Variants in DNAJC3 observed in about 807,000 individuals in gnomAD.
The protein encoded by DNAJC3 is DnaJ heat shock protein family (Hsp40) member C3, also known as dnaJ homolog subfamily C member 3.
DNAJC3 carries 38 observed loss-of-function variants against 68.6 expected under a neutral mutation model. That is an observed-to-expected ratio of 0.55 (90% confidence interval 0.43 to 0.73). DNAJC3 has a LOEUF of 0.73. DNAJC3 is among the 30% of genes least tolerant of loss of function. The pLI is 0.00. For missense variants in DNAJC3, 526 were observed against 591.9 expected, an observed-to-expected ratio of 0.89 and a Z score of 1.16; for synonymous variants, 203 against 204.0, an observed-to-expected ratio of 1.00 and a Z score of 0.04.
At chr13:95,722,373 T>G (rs569120227) in intron 2 of DNAJC3, among the ~76,000 whole-genome samples, 1 of 152,224 alleles carries the variant, frequency 6.6e-6, no homozygotes, top group East Asian at 1.9e-4. Flanking sequence ...AGTCAGAGGT[T>G]TATACATTTC....
intron 11 of DNAJC3, among the ~76,000 whole-genome samples, chr13:95,790,504 G>A (rs1038204908): frequency 6.6e-6 from 1 of 152,122 alleles, no homozygotes; most frequent in Non-Finnish European, 1.5e-5. Flanking sequence ...GGATTAGGGT[G>A]GTGAGCTGGC....
At chr13:95,722,535 A>G (rs1346710387) in intron 2 of DNAJC3, among the ~76,000 whole-genome samples, 3 of 151,770 alleles carry the variant, frequency 2.0e-5, no homozygotes, top group Non-Finnish European at 4.4e-5. Context: ...CACTTTGGGA[A>G]GCTGAGGTAG....
intron 1 of DNAJC3, among the ~76,000 whole-genome samples, chr13:95,701,289 G>C (rs1321455476): frequency 2.0e-5 from 3 of 152,192 alleles, no homozygotes; most frequent in Non-Finnish European, 4.4e-5. Context: ...TGTCATATTG[G>C]TTATTTAGAG....
At chr13:95,785,748 G>A (rs1389495065) in intron 9 of DNAJC3, among the ~76,000 whole-genome samples, 191 bp from the exon 10 acceptor site, 1 of 151,876 alleles carries the variant, frequency 6.6e-6, no homozygotes, top group Admixed American at 6.6e-5. Context: ...ACAGGCATGA[G>A]CCCCTGTGCC....
intron 4 of DNAJC3, among the ~76,000 whole-genome samples, chr13:95,752,051 G>A (rs1882497561): frequency 1.3e-5 from 2 of 152,124 alleles, no homozygotes; most frequent in South Asian, 4.1e-4. Flanking sequence ...ATTTGGGTGG[G>A]GACACAGCCA....
chr13:95,688,925 T>TGTGG (rs1566466559), intron 1 of DNAJC3, among the ~76,000 whole-genome samples: 1 of 112,994 alleles, frequency 8.9e-6, no homozygotes, highest in African/African-American at 3.4e-5. Flanking sequence ...TTTGATTGTG[T>TGTGG]GGGTGTGTGT....
At chr13:95,776,966 C>T (rs902312007) in intron 9 of DNAJC3, among the ~76,000 whole-genome samples, 1 of 152,302 alleles carries the variant, frequency 6.6e-6, no homozygotes, top group East Asian at 1.9e-4. Flanking sequence ...CGCTGTTAGT[C>T]CCCTGCTTTG....
At chr13:95,775,174 C>A (rs746730636) in intron 9 of DNAJC3, among the ~76,000 whole-genome samples, 1 of 152,200 alleles carries the variant, frequency 6.6e-6, no homozygotes, top group South Asian at 2.1e-4. Flanking sequence ...AAGCAGTCCT[C>A]CTGCCTCAGC....
At chr13:95,742,663 C>G (rs1404150184) in intron 4 of DNAJC3, 2 of 518,362 alleles carry the variant, frequency 3.9e-6, no homozygotes, top group African/African-American at 3.9e-5. Context: ...TGTTGGGACT[C>G]CAGCGTTCTC....
At chr13:95,778,583 C>T (rs1883349978) in intron 9 of DNAJC3, among the ~76,000 whole-genome samples, 2 of 152,162 alleles carry the variant, frequency 1.3e-5, no homozygotes, top group African/African-American at 4.8e-5. Flanking sequence ...ATAACCCAGC[C>T]ACACACAGAA....
rs531452479 is a variant in DNAJC3, at chr13:95,740,047, G to C, written c.393+14795G>C. On this transcript the variant is annotated intron_variant, in intron 4 of 11. Transcript: ENST00000602402. The stretch of plus-strand genomic sequence containing the variant: ...CTTCTAACAGAGAGGACCCTTAGCT[G>C]CAGGTCTGTTGGAATACCCTGCCGT... 4.6e-5 allele frequency among the ~76,000 whole-genome samples: 7 copies of C among 152,214 alleles called. No homozygotes were observed. The East Asian group carries it at 1.4e-3, about 29-fold the overall frequency.
chr13:95,779,141 T>C (rs1160906561), intron 9 of DNAJC3, among the ~76,000 whole-genome samples: 1 of 92,194 alleles, frequency 1.1e-5, no homozygotes, highest in Non-Finnish European at 2.2e-5. Context: ...TTTTTTTTTT[T>C]TGAGACGGAG....
At chr13:95,699,880 A>G (rs73550534) in intron 1 of DNAJC3, among the ~76,000 whole-genome samples, 2,599 of 152,090 alleles carry the variant, frequency 0.017, 79 homozygotes, top group African/African-American at 0.06. Context: ...TGTTGCCCAG[A>G]CTGGAGTGCA....
At chr13:95,720,119 A>T (rs1881276208) in intron 2 of DNAJC3, among the ~76,000 whole-genome samples, 1 of 152,150 alleles carries the variant, frequency 6.6e-6, no homozygotes. Flanking sequence ...GCTTAGGGTT[A>T]GGTGCAGTAA....
Position 95,714,143 on chromosome 13 carries a change from T to A in DNAJC3, c.193+4806T>A, listed in dbSNP as rs1031466387. The stretch of plus-strand genomic sequence containing the variant: ...CCACTGGGTAATCCTGTGACATTGG[T>A]CCAGTTATGTAAGAAAATGCACACT... On this transcript the variant is annotated intron_variant, in intron 2 of 11. Coordinates refer to ENST00000602402, the MANE Select transcript of DNAJC3 (RefSeq NM_006260.5). 2.0e-5 allele frequency among the ~76,000 whole-genome samples: 3 copies of A among 152,326 alleles called. 1 individual carries two copies. Among genetic ancestry groups the A allele is most frequent in the African/African-American group, 7.2e-5 (3 of 41,564 alleles).
intron 9 of DNAJC3, among the ~76,000 whole-genome samples, chr13:95,783,055 T>C (rs1414392928): frequency 6.6e-6 from 1 of 152,210 alleles, no homozygotes; most frequent in Admixed American, 6.5e-5. Flanking sequence ...TCCAACACCA[T>C]TTATTAAATA....
At chr13:95,685,795 A>AT (rs945278653) in intron 1 of DNAJC3, among the ~76,000 whole-genome samples, 14 of 150,098 alleles carry the variant, frequency 9.3e-5, no homozygotes, top group African/African-American at 2.2e-4. Flanking sequence ...GCTAACATCT[A>AT]TTTTTTTTTA....
rs968165633 is a variant in DNAJC3, at chr13:95,760,166, T to A, written c.673T>A (p.Phe225Ile). The A allele has an allele frequency of 1.2e-6, 2 of 1,612,086 alleles. No individual in the cohort carries two copies. Among genetic ancestry groups the A allele is most frequent in the Non-Finnish European group, 1.7e-6 (2 of 1,178,836 alleles). The change falls in exon 6 of 12, where the codon TTT (phenylalanine) becomes ATT (isoleucine). Residue 225 changes from phenylalanine to isoleucine, a missense_variant. Phe to Ile is a conservative substitution (Grantham distance 21, BLOSUM62 0). Transcript: ENST00000602402. ...GTTGAAGAATGATAATACTGAAGCG[T>A]TTTATAAAATAAGCACACTGTACTA... ...SKLKNDNTEA[F>I]YKISTLYYQL...
At chr13:95,747,132 CAGTT>C (rs1594000037) in intron 4 of DNAJC3, among the ~76,000 whole-genome samples, 2 of 152,292 alleles carry the variant, frequency 1.3e-5, no homozygotes, top group African/African-American at 2.4e-5. Flanking sequence ...TTTGAGCTGT[CAGTT>C]ACTCTTAATC....
Sources: allele counts gnomAD v4.1 joint callset (sites outside exome capture counted in the v4.1 genomes callset), GRCh38; gene constraint gnomAD v4.1.1; transcripts MANE v1.5; gene names NCBI Gene and HGNC (gene_info 2026-07-23, HGNC 2026-07-21).